Variants in SETD5 observed in about 807,000 individuals in gnomAD.
The protein encoded by SETD5 is SET domain containing 5.
Under a neutral mutation model 153.3 loss-of-function variants are expected in SETD5, and 44 were observed. The observed-to-expected ratio is 0.29, with a 90% CI of 0.23 to 0.37. The LOEUF is 0.37. SETD5 is among the 10% of genes least tolerant of loss of function. The pLI is 1.00. For missense variants in SETD5, 1,544 were observed against 1,768.0 expected (o/e 0.87, Z 2.27); for synonymous variants, 716 against 645.2 (o/e 1.11, Z -1.66).
chr3:9,446,042 C>CT (rs2041945626), intron 13 of SETD5, among the ~76,000 whole-genome samples: 1 of 141,572 alleles, frequency 7.1e-6, no homozygotes. Flanking sequence ...AATCCCAGCA[C>CT]TTTGGGAGGG....
Position 9,444,068 on chromosome 3 carries a change from A to G in SETD5, c.1187+651A>G, listed in dbSNP as rs140802003. On this transcript the variant is annotated intron_variant, in intron 11 of 22. Transcript: ENST00000402198. ...AGAGGGAGACTCTGTCTTAAAAAAA[A>G]AGAGAGAGAATTTAATATGTTACCT... Among the ~76,000 whole-genome samples the G allele has an allele frequency of 1.9e-3, 287 of 152,310 alleles. 1 individual carries two copies. Among genetic ancestry groups the G allele is most frequent in the African/African-American group, 6.0e-3 (249 of 41,558 alleles).
intron 1 of SETD5, among the ~76,000 whole-genome samples, chr3:9,421,043 G>A (rs549892452): frequency 6.6e-6 from 1 of 151,540 alleles, no homozygotes; most frequent in South Asian, 2.1e-4. Flanking sequence ...GCTCCTATGA[G>A]TCAGCACAAC....
chr3:9,426,177 T>C, intron 2 of SETD5: 1 of 143,716 alleles, frequency 7.0e-6, no homozygotes, highest in South Asian at 2.2e-4. Context: ...CATACATGTG[T>C]AAGACTGGCC....
chr3:9,436,857 G>A (rs868824007), intron 7 of SETD5: 62 of 1,550,022 alleles, frequency 4.0e-5, no homozygotes, highest in Non-Finnish European at 4.8e-5. Context: ...TAGGCATTTC[G>A]AGAGGGATCC....
At chr3:9,421,496 A>G (rs552941685) in intron 1 of SETD5, among the ~76,000 whole-genome samples, 1 of 152,146 alleles carries the variant, frequency 6.6e-6, no homozygotes, top group Admixed American at 6.6e-5. Context: ...GCTGTTTGTC[A>G]TGGTACAGCT....
intron 17 of SETD5, among the ~76,000 whole-genome samples, chr3:9,454,770 A>G (rs1382255204): frequency 6.6e-6 from 1 of 152,118 alleles, no homozygotes; most frequent in Non-Finnish European, 1.5e-5. Context: ...AATTGAAAGC[A>G]CTTGTGATAT....
At chr3:9,462,839 A>G (rs999868972) in intron 17 of SETD5, among the ~76,000 whole-genome samples, 3 of 152,254 alleles carry the variant, frequency 2.0e-5, no homozygotes, top group African/African-American at 7.2e-5. Flanking sequence ...GATGATAATA[A>G]TAGTGCTTGA....
intron 17 of SETD5, among the ~76,000 whole-genome samples, chr3:9,461,510 G>T (rs531510362): frequency 6.6e-6 from 1 of 152,130 alleles, no homozygotes; most frequent in African/African-American, 2.4e-5. Context: ...TTGAGTAAAG[G>T]TGAAAAATAA....
intron 12 of SETD5, 145 bp downstream of exon 12, chr3:9,445,445 T>C: frequency 9.9e-7 from 1 of 1,011,968 alleles, no homozygotes; most frequent in East Asian, 2.6e-5. Flanking sequence ...GTTCATACAT[T>C]TCTTTCTGTT....
chr3:9,476,628 G>C lies in SETD5; in HGVS notation c.*537G>C, dbSNP rs1419768821. ...CCAAAAGCAGGTATCTGGCCAATGT[G>C]TGTCCACCAAGAATACTGTTTATCT... On this transcript the variant is annotated 3_prime_UTR_variant, in exon 23 of 23. Transcript: ENST00000402198. 6.5e-6 allele frequency: 1 copy of C among 153,618 alleles called. No individual in the cohort carries two copies. The highest frequency in any genetic ancestry group is 1.5e-5 in the Non-Finnish European group (1 of 68,770). 9.5% of individuals were successfully genotyped at this position (153,618 alleles called of 1,614,324 possible).
intron 17 of SETD5, among the ~76,000 whole-genome samples, chr3:9,455,850 G>A (rs981722779): frequency 2.0e-5 from 3 of 152,096 alleles, no homozygotes; most frequent in Non-Finnish European, 2.9e-5. Context: ...AAGGAAATTA[G>A]GATTCCTAGT....
rs767789314 is a variant in SETD5 at position 9,425,575 on chromosome 3, CTT to C, written c.-117+1067_-117+1068del. On this transcript the variant is annotated intron_variant, in intron 2 of 22. Coordinates refer to ENST00000402198, the MANE Select transcript of SETD5 (RefSeq NM_001080517.3). The stretch of plus-strand genomic sequence containing the variant: ...ACTTGTCTTTTATCTAGAAACTGTA[CTT>C]TTTTTTTTTTTTTTTTTGGAGAAAG... 2.2e-3 allele frequency among the ~76,000 whole-genome samples: 237 copies of C among 108,040 alleles called. 3 individuals are homozygous for C. In the East Asian group the frequency reaches 0.029, roughly 13 times the overall value. 70.9% of individuals were successfully genotyped at this position (108,040 alleles called of 152,430 possible).
intron 1 of SETD5, among the ~76,000 whole-genome samples, chr3:9,407,020 T>C (rs1447549150): frequency 6.6e-6 from 1 of 152,204 alleles, no homozygotes. Flanking sequence ...TAACATCATA[T>C]ACAGATCTCA....
At chr3:9,435,020 G>C in intron 6 of SETD5, 138 bp downstream of exon 6, 2 of 931,284 alleles carry the variant, frequency 2.1e-6, no homozygotes, top group Non-Finnish European at 3.1e-6. Context: ...CAAAGCGGGC[G>C]GATCACCTGA....
Position 9,476,998 on chromosome 3 carries a change from A to G in SETD5, c.*907A>G, listed in dbSNP as rs1325014299. 6.5e-6 allele frequency: 1 copy of G among 152,772 alleles called. No individual in the cohort carries two copies. Among genetic ancestry groups the G allele is most frequent in the Non-Finnish European group, 1.5e-5 (1 of 68,040 alleles). 9.5% of individuals were successfully genotyped at this position (152,772 alleles called of 1,614,324 possible). On this transcript the variant is annotated 3_prime_UTR_variant, in exon 23 of 23. Coordinates refer to ENST00000402198, the MANE Select transcript of SETD5 (RefSeq NM_001080517.3). ...TCGAATTTTATTTTTTCTACTCCCA[A>G]TTAATCAGGAGTTGATGATCCCATG... is the stretch of plus-strand genomic sequence containing the variant.
chr3:9,419,820 A>G (rs778902989), intron 1 of SETD5, among the ~76,000 whole-genome samples: 1 of 152,194 alleles, frequency 6.6e-6, no homozygotes, highest in Non-Finnish European at 1.5e-5. Context: ...ATAAATGTGC[A>G]CAACCCACTT....
intron 11 of SETD5, among the ~76,000 whole-genome samples, chr3:9,443,992 G>C (rs1575442442): frequency 6.6e-6 from 1 of 152,190 alleles, no homozygotes; most frequent in East Asian, 1.9e-4. Flanking sequence ...AACCTGAGAG[G>C]CTGAGGCTGC....
Position 9,464,499 on chromosome 3 carries a change from C to G in SETD5, c.2551C>G (p.Leu851Val), listed in dbSNP as rs1321992448. The G allele has an allele frequency of 2.5e-6, 4 of 1,613,920 alleles. No individual in the cohort carries two copies. The highest frequency in any genetic ancestry group is 1.1e-5 in the South Asian group (1 of 91,084). Residue 851 changes from leucine (L) to valine (V), a missense_variant, in exon 18 of 23, where the codon CTG (leucine) becomes GTG (valine). Around this residue, in one of 9 missense-constraint regions of SETD5, gnomAD observed 782 missense variants for 787.2 expected, o/e 0.99. Transcript: ENST00000402198. ...GAATGTCACCAAGTTACTTCGGCCT[C>G]TGTCTCCAGTCACACCACCCCCTCC... ...EQNVTKLLRP[L>V]SPVTPPPPNS...
chr3:9,432,192 A>T, intron 3 of SETD5: 7 of 652,392 alleles, frequency 1.1e-5, no homozygotes, highest in Non-Finnish European at 1.3e-5. Flanking sequence ...CATCTTGCAG[A>T]CACTTTTAAG....
Sources: gnomAD v4.1 joint callset for allele counts (sites outside exome capture counted in the v4.1 genomes callset) on GRCh38, gnomAD v4.1.1 for gene constraint, gnomAD v4.1.1 regional missense constraint, MANE v1.5 for transcripts, NCBI Gene and HGNC (gene_info 2026-07-23, HGNC 2026-07-21) for gene names.